The following ZFYVE19 variants were observed in gnomAD, a reference collection of about 807,000 sequenced individuals.
The protein encoded by ZFYVE19 is abscission/NoCut checkpoint regulator.
Under a neutral mutation model 62.8 loss-of-function variants are expected in ZFYVE19, and 49 were observed. The ratio of observed to expected loss-of-function variants is 0.78; its 90% confidence interval spans 0.62 to 0.99. The LOEUF (loss-of-function observed/expected upper bound fraction) is 0.99, where lower values mean the gene tolerates loss of function less well. Ranked by LOEUF, ZFYVE19 falls within the 50% of genes least tolerant of loss-of-function variation. The pLI is 0.00. For synonymous variants in ZFYVE19, 242 were observed against 234.3 expected (o/e 1.03, Z -0.30); for missense variants, 630 against 601.9 (o/e 1.05, Z -0.49).
chr15:40,813,486 G>A, intron 8 of ZFYVE19, 69 bp downstream of exon 8: 1 of 1,489,390 alleles, frequency 6.7e-7, no homozygotes, highest in South Asian at 1.2e-5. Context: ...TCTACTCTGG[G>A]GCTGGGTGGA....
chr15:40,812,845 C>A lies in ZFYVE19; in HGVS notation c.973C>A (p.Arg325=). The part of the protein sequence containing the change: ...ELREENTRQE[R]ILALAKRLAM... Reference sequence around the variant, plus strand: ...GCGGGAGGAGAACACGAGGCAGGAACGGATTCTGGCCCTGGCCAAGCGACT... The same window carrying A: ...GCGGGAGGAGAACACGAGGCAGGAAAGGATTCTGGCCCTGGCCAAGCGACT... The change falls in exon 7 of 11, where the codon CGG becomes AGG. Residue 325 remains arginine, a synonymous_variant. Coordinates refer to ENST00000355341, the MANE Select transcript of ZFYVE19 (RefSeq NM_001077268.2). The A allele has an allele frequency of 6.2e-7, 1 of 1,613,550 alleles. No homozygotes were observed. The highest frequency in any genetic ancestry group is 8.5e-7 in the Non-Finnish European group (1 of 1,179,998).
chr15:40,808,696 G>A, intron 1 of ZFYVE19: 1 of 316,622 alleles, frequency 3.2e-6, no homozygotes. Context: ...CTGGCACATA[G>A]TAAGTGCTTA....
At chr15:40,812,569 GAAA>G in intron 6 of ZFYVE19, 127 bp from the exon 7 acceptor site, 1 of 531,526 alleles carries the variant, frequency 1.9e-6, no homozygotes, top group Non-Finnish European at 2.9e-6. Flanking sequence ...AAGAAAGAAA[GAAA>G]GAAAGAAAGA....
chr15:40,808,245 C>CA, intron 1 of ZFYVE19: 5 of 1,596,420 alleles, frequency 3.1e-6, no homozygotes, highest in Non-Finnish European at 4.2e-6. Flanking sequence ...AAATCTTCCC[C>CA]ATCCCGCAGC....
At chr15:40,809,775 G>C in intron 3 of ZFYVE19, 77 bp from the exon 4 acceptor site, 1 of 1,471,912 alleles carries the variant, frequency 6.8e-7, no homozygotes, top group Non-Finnish European at 9.5e-7. Context: ...GATTTGATTT[G>C]AATGGGAAAC....
intron 6 of ZFYVE19, among the ~76,000 whole-genome samples, chr15:40,811,809 C>T (rs1387246535): frequency 6.6e-6 from 1 of 152,346 alleles, no homozygotes; most frequent in South Asian, 2.1e-4. Context: ...AGCTATTAAG[C>T]TGCAGAGATG....
chr15:40,809,451 T>A lies in ZFYVE19; in HGVS notation c.445T>A (p.Tyr149Asn). 1 of 1,614,102 alleles carries A rather than the reference T, an allele frequency of 6.2e-7. No individual in the cohort carries two copies. Among genetic ancestry groups the A allele is most frequent in the Non-Finnish European group, 8.5e-7 (1 of 1,179,996 alleles). The change falls in exon 3 of 11, where the codon TAT (tyrosine) becomes AAT (asparagine). Residue 149 changes from tyrosine (Y) to asparagine (N), a missense_variant. Coordinates refer to ENST00000355341, the MANE Select transcript of ZFYVE19 (RefSeq NM_001077268.2). ...CTCCAAGTGGTCACCACCTCAGAAC[T>A]ATAAGAAGTAAGTGCTGAAGAGAAA... ...NASKWSPPQN[Y>N]KKRVAALEAK...
At chr15:40,808,080 G>T (rs770653161) in intron 1 of ZFYVE19, 1 of 907,012 alleles carries the variant, frequency 1.1e-6, no homozygotes, top group South Asian at 1.7e-5. Context: ...CTTTAGGTGA[G>T]AGTTCCCTAT....
intron 1 of ZFYVE19, 112 bp from the exon 2 acceptor site, chr15:40,809,007 C>T (rs1566836308): frequency 1.3e-6 from 2 of 1,509,202 alleles, no homozygotes; most frequent in South Asian, 2.5e-5. Flanking sequence ...TTCTTCCTCC[C>T]AGCAGCTGGT....
rs1890601203 is a variant in ZFYVE19 at position 40,814,256 on chromosome 15, C to A, written c.*30C>A. ...ACCCTGGTCCTCCCGGAAGGGCAGT[C>A]CCACAGGCAGCGGCACCCATTTCTG... On this transcript the variant is annotated 3_prime_UTR_variant, in exon 11 of 11. Transcript: ENST00000355341. 4 of 1,612,544 alleles carry A rather than the reference C, an allele frequency of 2.5e-6. No homozygotes were observed. Among genetic ancestry groups the A allele is most frequent in the South Asian group, 1.1e-5 (1 of 90,966 alleles).
In ZFYVE19 at chr15:40,809,956, A is replaced by C; in HGVS notation, c.557A>C (p.Gln186Pro). Residue 186 changes from glutamine (Q) to proline (P), a missense_variant, in exon 4 of 11, where the codon CAG becomes CCG. By Grantham distance (76) the Gln-to-Pro change is moderately conservative (BLOSUM62 -1). Coordinates refer to ENST00000355341, the MANE Select transcript of ZFYVE19 (RefSeq NM_001077268.2). Reference protein sequence around the residue: ...MIAERLARLRQENKPKLVPSQ... With the variant: ...MIAERLARLRPENKPKLVPSQ... ...GCTGAGCGCCTAGCACGACTCCGCC[A>C]GGAGAACAAGCCCAGTGAGCAGGGG... The C allele has an allele frequency of 6.2e-7, 1 of 1,614,238 alleles. No individual in the cohort carries two copies. Among genetic ancestry groups the C allele is most frequent in the Non-Finnish European group, 8.5e-7 (1 of 1,180,036 alleles).
intron 6 of ZFYVE19, among the ~76,000 whole-genome samples, 184 bp from the exon 7 acceptor site, chr15:40,812,515 C>T (rs1596118129): frequency 7.0e-6 from 1 of 143,060 alleles, no homozygotes; most frequent in Admixed American, 7.3e-5. Flanking sequence ...CACTGCACTC[C>T]GGCCTGGGTG....
chr15:40,808,129 C>CTATTTAATTTTTTTTTTTTTTT, intron 1 of ZFYVE19: 1 of 1,468,696 alleles, frequency 6.8e-7, no homozygotes, highest in Non-Finnish European at 9.3e-7. Flanking sequence ...TGCAAAGCTA[C>CTATTTAATTTTTTTTTTTTTTT]TCTTTTCTGT....
Position 40,814,921 on chromosome 15 carries a change from A to T in ZFYVE19, c.*695A>T, listed in dbSNP as rs1566840540. 1.3e-5 allele frequency: 2 copies of T among 154,468 alleles called. No individual in the cohort carries two copies. Among genetic ancestry groups the T allele is most frequent in the East Asian group, 3.8e-4 (2 of 5,208 alleles). 9.6% of individuals were successfully genotyped at this position (154,468 alleles called of 1,614,324 possible). A position where few individuals can be genotyped will look rare whatever the true frequency, so the allele number is the denominator to read the frequency against. ...CCCAGCTCCTAGGGCTCCTGTCCCA[A>T]CCTGCCTGCCATTCAGTCTCAGTAT... is the stretch of plus-strand genomic sequence containing the variant. On this transcript the variant is annotated 3_prime_UTR_variant, in exon 11 of 11. Transcript: ENST00000355341.
chr15:40,808,110 C>T (rs760630390), intron 1 of ZFYVE19: 2 of 1,297,888 alleles, frequency 1.5e-6, no homozygotes, highest in Non-Finnish European at 2.2e-6. Flanking sequence ...AGCGCGCTGC[C>T]GTCGTTTTTG....
Position 40,810,196 on chromosome 15 carries a change from C to T in ZFYVE19, c.697C>T (p.Pro233Ser), listed in dbSNP as rs768841339. 6.2e-7 allele frequency: 1 copy of T among 1,614,200 alleles called. No homozygotes were observed. Among genetic ancestry groups the T allele is most frequent in the Non-Finnish European group, 8.5e-7 (1 of 1,180,046 alleles). ...TGCAGCGTTGCAGGGCAGAGTTCTA[C>T]CTTCTCAAACCCCCCAGCCGGTGAG... ...RLAALQGRVL[P>S]SQTPQPAHHT... The change falls in exon 5 of 11, where the codon CCT (proline) becomes TCT (serine). Residue 233 changes from proline (P) to serine (S), a missense_variant. By Grantham distance (74) the Pro-to-Ser change is moderately conservative. Transcript: ENST00000355341.
At position 40,813,796 on chromosome 15, in the gene ZFYVE19, C is replaced by T. The variant is rs199653762; in HGVS notation, c.1194C>T (p.Arg398=). Residue 398 remains arginine (R), a synonymous_variant, in exon 9 of 11, where the codon CGC becomes CGT. Transcript: ENST00000355341. ...CTTCTCGACCCTGGACGCAACCCCG[C>T]GGGGCAGAGCCTGAGGTGAGAAAAG... ...EQASRPWTQP[R]GAEPEAQDVD... 29 of 1,613,706 alleles carry T rather than the reference C, an allele frequency of 1.8e-5. No individual in the cohort carries two copies. Among genetic ancestry groups the T allele is most frequent in the South Asian group, 1.1e-5 (1 of 91,020 alleles).
At position 40,809,177 on chromosome 15, in the gene ZFYVE19, C is replaced by T. The variant is rs370488168; in HGVS notation, c.338C>T (p.Ala113Val). ...FCSGCLSFSA[A>V]VPRTGNTQQK... ...TCAGGCTGCCTAAGCTTCAGTGCAG[C>T]AGTGCCTCGGACTGGGAACACCCAA... The change falls in exon 2 of 11, where the codon GCA becomes GTA. Residue 113 changes from alanine (A) to valine (V), a missense_variant. By Grantham distance (64) the Ala-to-Val change is moderately conservative. Coordinates refer to ENST00000355341, the MANE Select transcript of ZFYVE19 (RefSeq NM_001077268.2). The T allele has an allele frequency of 8.7e-6, 14 of 1,614,094 alleles. No individual in the cohort carries two copies. The African/African-American group carries it at 1.9e-4, about 22-fold the overall frequency.
At chr15:40,808,347 C>T in intron 1 of ZFYVE19, 1 of 1,597,674 alleles carries the variant, frequency 6.3e-7, no homozygotes, top group Non-Finnish European at 8.5e-7. Context: ...GTCCCTATCA[C>T]AGACCTGCCA....
Sources: gnomAD v4.1 joint callset for allele counts (sites outside exome capture counted in the v4.1 genomes callset) on GRCh38, gnomAD v4.1.1 for gene constraint, MANE v1.5 for transcripts, NCBI Gene and HGNC (gene_info 2026-07-23, HGNC 2026-07-21) for gene names.